The following RIF1 variants were observed in gnomAD, a reference collection of about 807,000 sequenced individuals.
The protein encoded by RIF1 is telomere-associated protein RIF1.
In RIF1, 45 loss-of-function variants were observed where a neutral mutation model predicts 247.1. The observed-to-expected ratio is 0.18, with a 90% confidence interval of 0.14 to 0.23. The LOEUF (loss-of-function observed/expected upper bound fraction) is 0.23. Among genes scored for constraint, RIF1 ranks in the 10% least tolerant of loss-of-function variants. The pLI, the probability that RIF1 is intolerant of heterozygous loss-of-function variation, is 1.00. For synonymous variants in RIF1, 1,087 were observed against 978.8 expected (o/e 1.11, Z -2.06); for missense variants, 2,967 against 2,862.5 (o/e 1.04, Z -0.83).
intron 8 of RIF1, among the ~76,000 whole-genome samples, chr2:151,426,352 T>G (rs561201651): frequency 9.9e-5 from 15 of 151,470 alleles, no homozygotes; most frequent in Non-Finnish European, 1.8e-4. Flanking sequence ...ATTTTTGTAT[T>G]TTTAGTAGAG....
At position 151,481,544 on chromosome 2, in the gene RIF1, T is replaced by TA. The variant is rs776330149; in HGVS notation, c.*6474dup. 2 of 152,228 alleles carry TA rather than the reference T, an allele frequency of 1.3e-5. No homozygotes were observed. Among genetic ancestry groups the TA allele is most frequent in the Non-Finnish European group, 2.9e-5 (2 of 68,032 alleles). The allele number at this position is 152,228 out of a possible 1,614,324, so 9.4% of individuals were successfully genotyped here. A position where few individuals can be genotyped will look rare whatever the true frequency, so the allele number is the denominator to read the frequency against. ...AATCAGTCATTTATTAACCCTCTAATATTGTTGTCCCGATCATTTGGTAAA... is the reference window on the plus strand; with the variant it reads ...AATCAGTCATTTATTAACCCTCTAATAATTGTTGTCCCGATCATTTGGTAAA... On this transcript the variant is annotated 3_prime_UTR_variant, in exon 36 of 36. Coordinates refer to ENST00000444746, the MANE Select transcript of RIF1 (RefSeq NM_018151.5).
chr2:151,474,888 AT>A lies in RIF1; in HGVS notation c.7238del (p.Leu2413TyrfsTer36). The part of the protein sequence containing the change: ...IIDPVALEIP[L>X]SKNLLAQISA... ...TTGATCCTGTTGCTTTAGAAATTCC[AT>A]TATCCAAAAACCTTCTGGCACAGAT... is the stretch of plus-strand genomic sequence containing the variant. On this transcript the variant is annotated frameshift_variant, in exon 36 of 36. Transcript: ENST00000444746. LOFTEE classifies it high-confidence loss of function. The A allele has an allele frequency of 6.3e-7, 1 of 1,590,816 alleles. No homozygotes were observed.
intron 34 of RIF1, among the ~76,000 whole-genome samples, chr2:151,473,354 G>A (rs1023239754): frequency 1.0e-4 from 15 of 150,482 alleles, no homozygotes; most frequent in Non-Finnish European, 2.2e-4. Flanking sequence ...AGTGCAGGTG[G>A]GGCATGATCT....
chr2:151,445,121 T>C (rs373247172), intron 18 of RIF1, among the ~76,000 whole-genome samples: 1 of 152,222 alleles, frequency 6.6e-6, no homozygotes, highest in Non-Finnish European at 1.5e-5. Context: ...GGATTGGGGC[T>C]GACCCTAATC....
At chr2:151,502,526 A>G (rs1216036335) in intron 11 of RIF1, among the ~76,000 whole-genome samples, 1 of 152,166 alleles carries the variant, frequency 6.6e-6, no homozygotes, top group Non-Finnish European at 1.5e-5. Flanking sequence ...CCAGTTAGAA[A>G]CACCTACTGT....
chr2:151,532,166 G>A, the RIF1 span: 22 of 261,288 alleles, frequency 8.4e-5, no homozygotes, highest in African/African-American at 1.1e-4. Flanking sequence ...GTGCGATCTC[G>A]GCTCACTGCA....
chr2:151,527,004 G>A, the RIF1 span: 24 of 1,597,652 alleles, frequency 1.5e-5, no homozygotes, highest in Admixed American at 3.4e-5. Flanking sequence ...AGGAACTCCC[G>A]GTCCAGCTTA....
intron 13 of RIF1, among the ~76,000 whole-genome samples, chr2:151,438,469 T>A (rs893166712): frequency 6.6e-6 from 1 of 152,180 alleles, no homozygotes; most frequent in East Asian, 1.9e-4. Flanking sequence ...AGCAAGACCC[T>A]GTCTGAAAAA....
intron 30 of RIF1, among the ~76,000 whole-genome samples, chr2:151,467,590 G>A (rs946779878): frequency 6.6e-6 from 1 of 151,976 alleles, no homozygotes; most frequent in Non-Finnish European, 1.5e-5. Flanking sequence ...AGATCCACCC[G>A]CCTTGGCCTC....
intron 34 of RIF1, among the ~76,000 whole-genome samples, chr2:151,473,620 A>T (rs2048749022): frequency 6.6e-6 from 1 of 152,100 alleles, no homozygotes; most frequent in Non-Finnish European, 1.5e-5. Flanking sequence ...TCTATATTTT[A>T]TTTAAGCTTG....
the RIF1 span, chr2:151,518,317 C>T: frequency 2.5e-6 from 4 of 1,591,506 alleles, no homozygotes; most frequent in African/African-American, 5.4e-5. Context: ...GATCCACTTA[C>T]TATACTCTGT....
chr2:151,505,550 T>C (rs2068111995), intron 12 of RIF1: 2 of 1,613,720 alleles, frequency 1.2e-6, no homozygotes, highest in Non-Finnish European at 1.7e-6. Context: ...TTCCTTGTCC[T>C]ATTGCTTCCT....
At chr2:151,412,205 C>T (rs1422344148) in intron 3 of RIF1, among the ~76,000 whole-genome samples, 2 of 152,108 alleles carry the variant, frequency 1.3e-5, no homozygotes, top group Non-Finnish European at 2.9e-5. Context: ...CTATCCTTAA[C>T]ATCTTTTAAA....
intron 16 of RIF1, among the ~76,000 whole-genome samples, chr2:151,443,053 G>A (rs1692642885): frequency 6.6e-6 from 1 of 152,070 alleles, no homozygotes; most frequent in East Asian, 1.9e-4. Flanking sequence ...TGGCATTACA[G>A]GAGTGAGCCA....
At chr2:151,495,652 A>G (rs566977223) in intron 10 of RIF1, among the ~76,000 whole-genome samples, 6 of 152,104 alleles carry the variant, frequency 3.9e-5, no homozygotes, top group Non-Finnish European at 5.9e-5. Flanking sequence ...GTTAAAGACT[A>G]CAGTAAAACT....
At chr2:151,421,264 G>A (rs1345016796) in intron 7 of RIF1, among the ~76,000 whole-genome samples, 7 of 152,142 alleles carry the variant, frequency 4.6e-5, no homozygotes, top group African/African-American at 7.2e-5. Context: ...AGCAAGGACC[G>A]GAGAGTGCTG....
Position 151,482,064 on chromosome 2 carries a change from T to G in RIF1, c.*6993T>G, listed in dbSNP as rs1010218231. On this transcript the variant is annotated 3_prime_UTR_variant, in exon 36 of 36. Coordinates refer to ENST00000444746, the MANE Select transcript of RIF1 (RefSeq NM_018151.5). ...CTATGTTTGATTCACAGTAAAACTT[T>G]TCATGAATCATTGAGGGTTAACTGT... 1 of 152,240 alleles carries G rather than the reference T, an allele frequency of 6.6e-6. No individual in the cohort carries two copies. Among genetic ancestry groups the G allele is most frequent in the Non-Finnish European group, 1.5e-5 (1 of 68,050 alleles). 9.4% of individuals were successfully genotyped at this position (152,240 alleles called of 1,614,324 possible).
At chr2:151,514,330 T>G in the RIF1 span, 1 of 1,611,326 alleles carries the variant, frequency 6.2e-7, no homozygotes, top group Non-Finnish European at 8.5e-7. Context: ...CATTGAGGAT[T>G]TGAGTGGCAT....
In RIF1 at chr2:151,440,111, C is replaced by G; in HGVS notation, c.1631C>G (p.Pro544Arg). The G allele has an allele frequency of 1.9e-6, 3 of 1,576,252 alleles. No individual in the cohort carries two copies. The highest frequency in any genetic ancestry group is 2.6e-6 in the Non-Finnish European group (3 of 1,154,116). Residue 544 changes from proline (P) to arginine (R), a missense_variant, in exon 15 of 36, where the codon CCT becomes CGT. Pro to Arg is a moderately radical substitution (Grantham distance 103, BLOSUM62 -2). This residue lies in a region of RIF1 where 369 missense variants were observed against 322.0 expected (regional missense o/e 1.15). Coordinates refer to ENST00000444746, the MANE Select transcript of RIF1 (RefSeq NM_018151.5). ...AGCATAGTAAAGTCTGAAGTATTTC[C>G]TGTATCAAAAACGCTGGTAAGTATA... is the stretch of plus-strand genomic sequence containing the variant. ...LESIVKSEVF[P>R]VSKTLVLMEI... is the part of the protein sequence containing the mutation.
Sources: gnomAD v4.1 joint callset for allele counts (sites outside exome capture counted in the v4.1 genomes callset) on GRCh38, gnomAD v4.1.1 for gene constraint, gnomAD v4.1.1 regional missense constraint, MANE v1.5 for transcripts, NCBI Gene and HGNC (gene_info 2026-07-23, HGNC 2026-07-21) for gene names.